Variants in DPH6 observed in about 807,000 individuals in gnomAD.
DPH6 encodes diphthine--ammonia ligase.
A neutral mutation model predicts 38.2 loss-of-function variants in DPH6; 33 were observed. The observed-to-expected ratio is 0.86, with a 90% CI of 0.65 to 1.15. DPH6 has a LOEUF of 1.15. Among genes scored for constraint, DPH6 ranks in the 50% most tolerant of loss-of-function variants. The pLI is 0.00. For missense variants in DPH6, 325 were observed against 320.0 expected (o/e 1.02, Z -0.12); for synonymous variants, 108 against 103.0 (o/e 1.05, Z -0.30).
chr15:35,366,331 C>T (rs71466812), downstream of DPH6, among the ~76,000 whole-genome samples: 5 of 150,886 alleles, frequency 3.3e-5, no homozygotes, highest in Non-Finnish European at 7.4e-5. Context: ...GATTTCAATC[C>T]CCCATTGTGA....
At chr15:35,476,273 T>C (rs1050997350) in intron 3 of DPH6, among the ~76,000 whole-genome samples, 7 of 151,830 alleles carry the variant, frequency 4.6e-5, no homozygotes, top group Admixed American at 1.3e-4. Context: ...AATAAGAGAC[T>C]GAGACTTCTT....
chr15:35,350,560 T>A (rs753981667), intron 3 of DPH6, among the ~76,000 whole-genome samples: 3 of 152,136 alleles, frequency 2.0e-5, no homozygotes, highest in Non-Finnish European at 4.4e-5. Context: ...TTTTTAAAGG[T>A]AGGCATTTAC....
chr15:35,317,216 G>A (rs2052197739), intron 3 of DPH6, among the ~76,000 whole-genome samples: 1 of 151,612 alleles, frequency 6.6e-6, no homozygotes, highest in African/African-American at 2.4e-5. Flanking sequence ...CTGAGATTGT[G>A]CCACTGCACC....
chr15:35,315,644 A>C (rs1314067353), intron 3 of DPH6, among the ~76,000 whole-genome samples: 3 of 152,198 alleles, frequency 2.0e-5, no homozygotes, highest in Non-Finnish European at 2.9e-5. Flanking sequence ...TTCTCAAAAA[A>C]CTAAAAATAG....
At chr15:35,477,210 A>T (rs1384637019) in intron 3 of DPH6, among the ~76,000 whole-genome samples, 1 of 151,882 alleles carries the variant, frequency 6.6e-6, no homozygotes, top group Non-Finnish European at 1.5e-5. Context: ...TAATACAATA[A>T]CTATATATCA....
chr15:35,452,031 A>T (rs7175482), intron 4 of DPH6, among the ~76,000 whole-genome samples: 3,813 of 152,246 alleles, frequency 0.025, 157 homozygotes, highest in African/African-American at 0.085. Context: ...AAACAAAAAA[A>T]GAAGACATAA....
At chr15:35,321,509 CTG>C (rs1397271982) in intron 3 of DPH6, among the ~76,000 whole-genome samples, 1 of 152,196 alleles carries the variant, frequency 6.6e-6, no homozygotes, top group African/African-American at 2.4e-5. Context: ...GCAATAGTGA[CTG>C]TGAAGGGCAC....
chr15:35,149,991 A>T, the DPH6 span, among the ~76,000 whole-genome samples: 94,417 of 152,044 alleles, frequency 0.62, 29,701 homozygotes, highest in Middle Eastern at 0.71. Context: ...TGCGATCCCG[A>T]TGCTTGTTCT....
intron 6 of DPH6, among the ~76,000 whole-genome samples, chr15:35,404,897 T>C (rs762923191): frequency 6.6e-6 from 1 of 152,158 alleles, no homozygotes. Context: ...GATTTGACTG[T>C]TGTATAAGGT....
chr15:35,164,171 T>A, the DPH6 span, among the ~76,000 whole-genome samples: 1 of 151,884 alleles, frequency 6.6e-6, no homozygotes, highest in African/African-American at 2.4e-5. Context: ...GCTACCAGCA[T>A]GTTAACGGCC....
the DPH6 span, among the ~76,000 whole-genome samples, chr15:35,149,219 C>G: frequency 6.6e-6 from 1 of 152,256 alleles, no homozygotes; most frequent in East Asian, 1.9e-4. Context: ...CCTCACCACA[C>G]AACTGTCACT....
intron 5 of DPH6, among the ~76,000 whole-genome samples, chr15:35,412,620 C>G (rs1057157804): frequency 4.0e-5 from 6 of 151,566 alleles, no homozygotes; most frequent in Non-Finnish European, 7.4e-5. Flanking sequence ...TTGTGTATAT[C>G]CAGACAATGA....
chr15:35,307,676 C>T (rs896354260), intron 3 of DPH6, among the ~76,000 whole-genome samples: 3 of 151,984 alleles, frequency 2.0e-5, no homozygotes, highest in African/African-American at 4.8e-5. Context: ...GAGTAAAGGA[C>T]CATGCTACTA....
chr15:35,281,661 T>C (rs2051900237), intron 3 of DPH6, among the ~76,000 whole-genome samples: 2 of 152,198 alleles, frequency 1.3e-5, no homozygotes, highest in Admixed American at 1.3e-4. Context: ...CATTCATGAA[T>C]TCCCAGGCTG....
At chr15:35,305,292 T>C (rs2052081074) in intron 3 of DPH6, among the ~76,000 whole-genome samples, 1 of 152,052 alleles carries the variant, frequency 6.6e-6, no homozygotes, top group Non-Finnish European at 1.5e-5. Flanking sequence ...CCCCTTACAC[T>C]CACAAAGTGT....
intron 5 of DPH6, among the ~76,000 whole-genome samples, chr15:35,426,528 G>C (rs1410385577): frequency 6.6e-6 from 1 of 151,656 alleles, no homozygotes; most frequent in Non-Finnish European, 1.5e-5. Flanking sequence ...TGGCTTATTG[G>C]GGCAGGTATG....
intron 3 of DPH6, among the ~76,000 whole-genome samples, chr15:35,279,150 C>T (rs564012475): frequency 2.6e-5 from 4 of 151,312 alleles, no homozygotes; most frequent in Non-Finnish European, 2.9e-5. Flanking sequence ...GGCCTATTGC[C>T]CCTTTTTTTG....
At chr15:35,262,575 G>C (rs543968046) in intron 3 of DPH6, among the ~76,000 whole-genome samples, 15 of 151,762 alleles carry the variant, frequency 9.9e-5, no homozygotes, top group Non-Finnish European at 1.9e-4. Flanking sequence ...GCGTGGTGGC[G>C]GGCGCCTGTA....
intron 4 of DPH6, among the ~76,000 whole-genome samples, chr15:35,451,416 T>C (rs2053931381): frequency 6.6e-6 from 1 of 152,216 alleles, no homozygotes; most frequent in Non-Finnish European, 1.5e-5. Context: ...GCTTTTGAAG[T>C]CAAGTAAAAT....
Sources: gnomAD v4.1 joint callset for allele counts (sites outside exome capture counted in the v4.1 genomes callset) on GRCh38, gnomAD v4.1.1 for gene constraint, MANE v1.5 for transcripts, NCBI Gene and HGNC (gene_info 2026-07-23, HGNC 2026-07-21) for gene names.